The following KCNJ6 variants were observed in gnomAD, a reference collection of about 807,000 sequenced individuals.
KCNJ6 encodes G protein-activated inward rectifier potassium channel 2.
Under a neutral mutation model 34.2 loss-of-function variants are expected in KCNJ6, and 9 were observed. That is an observed-to-expected ratio of 0.26 (90% CI 0.16 to 0.46). The LOEUF (loss-of-function observed/expected upper bound fraction) is 0.46, where lower values mean the gene tolerates loss of function less well. KCNJ6 is among the 20% of genes least tolerant of loss of function. The probability of loss-of-function intolerance (pLI) is 1.00; values close to 1 mark genes in which losing one functional copy is unlikely to be tolerated. For missense variants in KCNJ6, 236 were observed against 531.3 expected, an observed-to-expected ratio of 0.44 and a Z score of 5.46; for synonymous variants, 196 against 207.1, an observed-to-expected ratio of 0.95 and a Z score of 0.46.
intron 2 of KCNJ6, among the ~76,000 whole-genome samples, chr21:37,792,100 G>A (rs896929818): frequency 1.3e-5 from 2 of 152,204 alleles, no homozygotes; most frequent in East Asian, 1.9e-4. Context: ...ATACACAGAG[G>A]TGCACATTCT....
chr21:37,795,635 C>T (rs1480465314), intron 2 of KCNJ6, among the ~76,000 whole-genome samples: 1 of 151,532 alleles, frequency 6.6e-6, no homozygotes, highest in Non-Finnish European at 1.5e-5. Flanking sequence ...ATCCCAGCTA[C>T]TCGGGAGGCT....
intron 2 of KCNJ6, among the ~76,000 whole-genome samples, chr21:37,825,177 C>G (rs983798436): frequency 9.2e-5 from 14 of 152,090 alleles, no homozygotes; most frequent in African/African-American, 3.4e-4. Context: ...AAAGTTTGGC[C>G]ATTTAAAGGT....
intron 1 of KCNJ6, among the ~76,000 whole-genome samples, chr21:37,863,013 A>T (rs1313714906): frequency 6.6e-6 from 1 of 152,238 alleles, no homozygotes; most frequent in Non-Finnish European, 1.5e-5. Flanking sequence ...GCTCATGAAG[A>T]GCATAGACAA....
At chr21:37,625,775 A>C (rs1053914269) in intron 3 of KCNJ6, among the ~76,000 whole-genome samples, 2 of 152,254 alleles carry the variant, frequency 1.3e-5, no homozygotes, top group African/African-American at 2.4e-5. Context: ...AAATGCACAC[A>C]AGTTTTCGCA....
At chr21:37,632,805 G>C (rs2054339828) in intron 3 of KCNJ6, among the ~76,000 whole-genome samples, 1 of 152,012 alleles carries the variant, frequency 6.6e-6, no homozygotes, top group Non-Finnish European at 1.5e-5. Flanking sequence ...AAAATAAAAA[G>C]CAGAGATACC....
At chr21:37,750,762 G>C (rs1157119140) in intron 2 of KCNJ6, among the ~76,000 whole-genome samples, 5 of 152,156 alleles carry the variant, frequency 3.3e-5, no homozygotes, top group Admixed American at 3.3e-4. Context: ...AGAGCATTAG[G>C]AGAAATACCT....
At chr21:37,691,860 TATTC>T (rs2054641388) in intron 3 of KCNJ6, among the ~76,000 whole-genome samples, 1 of 152,152 alleles carries the variant, frequency 6.6e-6, no homozygotes, top group Non-Finnish European at 1.5e-5. Flanking sequence ...GACATGAACA[TATTC>T]ATTCAATGTG....
At position 37,625,254 on chromosome 21, in the gene KCNJ6, C is replaced by A. The variant is rs781228922; in HGVS notation, c.1177G>T (p.Ala393Ser). The stretch of plus-strand genomic sequence containing the variant: ...TCTTCCTCTTCAGTCTCCAGTTCTG[C>A]ATGTTGGTTGAGTTTGCTGGATACA... The part of the protein sequence containing the change: ...WSVSSKLNQH[A>S]ELETEEEEKN... Residue 393 changes from alanine to serine, a missense_variant, in exon 4 of 4, where the codon GCA becomes TCA. Ala to Ser is a moderately conservative substitution (Grantham distance 99). This residue lies in a region of KCNJ6 where 43 missense variants were observed against 52.1 expected (regional missense o/e 0.82). Transcript: ENST00000609713. 5.6e-6 allele frequency: 9 copies of A among 1,614,078 alleles called. No individual in the cohort carries two copies. In the African/African-American group the frequency reaches 1.2e-4, roughly 22 times the overall value.
chr21:37,815,860 T>C (rs2055344255), intron 2 of KCNJ6, among the ~76,000 whole-genome samples: 1 of 152,192 alleles, frequency 6.6e-6, no homozygotes. Flanking sequence ...ACATTTCAGG[T>C]GTTCACCGAG....
At chr21:37,878,614 C>T (rs913231843) in intron 1 of KCNJ6, among the ~76,000 whole-genome samples, 1 of 152,244 alleles carries the variant, frequency 6.6e-6, no homozygotes, top group Non-Finnish European at 1.5e-5. Context: ...TTACCAGCAC[C>T]AGAAAGTAGG....
At chr21:37,726,489 G>T (rs898230323) in intron 2 of KCNJ6, among the ~76,000 whole-genome samples, 16 of 152,134 alleles carry the variant, frequency 1.1e-4, no homozygotes, top group African/African-American at 3.9e-4. Flanking sequence ...TATGTTTATT[G>T]ACCTGGCAAA....
chr21:37,677,770 G>GTCCATCCATCCATCCATCCA lies in KCNJ6; in HGVS notation c.946+36421_946+36440dup, dbSNP rs1232975724. Among the ~76,000 whole-genome samples, 14 of 7,362 alleles carry GTCCATCCATCCATCCATCCA rather than the reference G, an allele frequency of 1.9e-3. 5 individuals carry two copies. The highest frequency in any genetic ancestry group is 0.014 in the East Asian group (2 of 146). 4.8% of individuals were successfully genotyped at this position (7,362 alleles called of 152,430 possible). ...TACCCACCCACACACCAAACCATTT[G>GTCCATCCATCCATCCATCCA]TCCATCCATCCATCCATCCACCCAC... On this transcript the variant is annotated intron_variant, in intron 3 of 3. Transcript: ENST00000609713.
chr21:37,644,951 G>A (rs1409007991), intron 3 of KCNJ6, among the ~76,000 whole-genome samples: 1 of 151,588 alleles, frequency 6.6e-6, no homozygotes, highest in African/African-American at 2.4e-5. Context: ...CCTTCTCATG[G>A]GGAGGAGGGC....
Position 37,714,817 on chromosome 21 carries a change from T to A in KCNJ6, c.340A>T (p.Ile114Phe). Residue 114 changes from isoleucine (I) to phenylalanine (F), a missense_variant, in exon 3 of 4, where the codon ATC becomes TTC. Physicochemically the swap from Ile to Phe is conservative, Grantham distance 21 (BLOSUM62 0). This residue lies in a region of KCNJ6 where 68 missense variants were observed against 165.7 expected (regional missense o/e 0.41). Coordinates refer to ENST00000609713, the MANE Select transcript of KCNJ6 (RefSeq NM_002240.5). This position sits in a 1 kb window ranked among gnomAD's most constrained non-coding sequence, Gnocchi z 5.9. ...WLFFGMIWWL[I>F]AYIRGDMDHI... Reference sequence around the variant, plus strand: ...TCCATGTCTCCCCGTATGTATGCGATCAACCACCAGATCATTCCAAAAAAG... The same window carrying A: ...TCCATGTCTCCCCGTATGTATGCGAACAACCACCAGATCATTCCAAAAAAG... The A allele has an allele frequency of 6.2e-7, 1 of 1,614,192 alleles. No individual in the cohort carries two copies. The highest frequency in any genetic ancestry group is 8.5e-7 in the Non-Finnish European group (1 of 1,180,042).
At chr21:37,780,240 T>C (rs1568845880) in intron 2 of KCNJ6, among the ~76,000 whole-genome samples, 1 of 152,180 alleles carries the variant, frequency 6.6e-6, no homozygotes, top group Non-Finnish European at 1.5e-5. Context: ...TGATTCCAAC[T>C]ATATGACATT....
intron 3 of KCNJ6, among the ~76,000 whole-genome samples, chr21:37,630,841 G>A (rs181035599): frequency 1.3e-5 from 2 of 151,856 alleles, no homozygotes; most frequent in East Asian, 1.9e-4. Flanking sequence ...TGTTGTTAAT[G>A]GTAGTTGCCA....
rs536140203 is a variant in KCNJ6, at chr21:37,658,413, T to C, written c.947-32929A>G. On this transcript the variant is annotated intron_variant, in intron 3 of 3. Transcript: ENST00000609713. ...CATTTAAAATGGGTCCTGAAATATC[T>C]GCAGTGCAGAACATCTGAGAAGAGC... Among the ~76,000 whole-genome samples the C allele has an allele frequency of 1.7e-4, 26 of 152,360 alleles. 1 individual carries two copies. In the South Asian group the frequency reaches 5.4e-3, roughly 32 times the overall value.
chr21:37,894,959 G>A (rs1285209177), intron 1 of KCNJ6, among the ~76,000 whole-genome samples: 1 of 152,090 alleles, frequency 6.6e-6, no homozygotes, highest in Non-Finnish European at 1.5e-5. Context: ...CTTCTTCAGA[G>A]ATGGGATCTT....
chr21:37,667,637 A>G (rs1053104734), intron 3 of KCNJ6, among the ~76,000 whole-genome samples: 1 of 78,836 alleles, frequency 1.3e-5, no homozygotes, highest in Non-Finnish European at 3.5e-5. Flanking sequence ...CCGGGGTAGC[A>G]GGTCCAGGGT....
Sources: gnomAD v4.1 joint callset for allele counts (sites outside exome capture counted in the v4.1 genomes callset) on GRCh38, gnomAD v4.1.1 for gene constraint, gnomAD v4.1.1 regional missense constraint, Gnocchi (gnomAD v3.1) non-coding constraint, MANE v1.5 for transcripts, NCBI Gene and HGNC (gene_info 2026-07-23, HGNC 2026-07-21) for gene names.